The following MTMR2 variants were observed in gnomAD, a reference collection of about 807,000 sequenced individuals.
The protein encoded by MTMR2 is myotubularin related protein 2, also known as phosphatidylinositol-3,5-bisphosphate 3-phosphatase MTMR2.
MTMR2 carries 55 observed loss-of-function variants against 86.9 expected under a neutral mutation model. The observed-to-expected ratio is 0.63, with a 90% confidence interval of 0.51 to 0.79. The LOEUF (loss-of-function observed/expected upper bound fraction) is 0.79, where lower values mean the gene tolerates loss of function less well. Ranked by LOEUF, MTMR2 falls within the 30% of genes least tolerant of loss-of-function variation. MTMR2 has a pLI of 0.00. For synonymous variants in MTMR2, 241 were observed against 266.8 expected, an observed-to-expected ratio of 0.90 and a Z score of 0.94; for missense variants, 659 against 772.3, an observed-to-expected ratio of 0.85 and a Z score of 1.74.
intron 1 of MTMR2, among the ~76,000 whole-genome samples, chr11:95,889,322 G>A (rs1332207014): frequency 6.6e-6 from 1 of 151,714 alleles, no homozygotes; most frequent in Non-Finnish European, 1.5e-5. Context: ...TTGTAGAGAC[G>A]AGGTTTCACC....
intron 10 of MTMR2, among the ~76,000 whole-genome samples, chr11:95,846,162 T>C (rs1177037181): frequency 1.3e-5 from 2 of 152,216 alleles, no homozygotes; most frequent in Non-Finnish European, 2.9e-5. Context: ...GTATCTTAAA[T>C]AAATTCCACC....
At position 95,924,102 on chromosome 11, in the gene MTMR2, G is replaced by GTTAA; in HGVS notation, c.-149_-148insTTAA. ...GACCGGAAGCGGCCATGTTCCCCCA[G>GTTAA]AGTGCACCGCGCCTGTAGGCTGCTG... is the stretch of plus-strand genomic sequence containing the variant. On this transcript the variant is annotated 5_prime_UTR_variant, in exon 1 of 15. Coordinates refer to ENST00000346299, the MANE Select transcript of MTMR2 (RefSeq NM_016156.6). 13 of 994,202 alleles carry GTTAA rather than the reference G, an allele frequency of 1.3e-5. No individual in the cohort carries two copies. Among genetic ancestry groups the GTTAA allele is most frequent in the Non-Finnish European group, 1.7e-5 (11 of 653,464 alleles). The allele number at this position is 994,202 out of a possible 1,614,324, so 61.6% of individuals were successfully genotyped here. A position where few individuals can be genotyped will look rare whatever the true frequency, so the allele number is the denominator to read the frequency against.
In MTMR2 at chr11:95,862,383, TC is replaced by T; in HGVS notation, c.263-18del. 1 of 1,586,834 alleles carries T rather than the reference TC, an allele frequency of 6.3e-7. No individual in the cohort carries two copies. Among genetic ancestry groups the T allele is most frequent in the Non-Finnish European group, 8.7e-7 (1 of 1,155,466 alleles). The stretch of plus-strand genomic sequence containing the variant: ...CATCTTTGGCTGAAAAAGCAAGAAG[TC>T]CACAGTTTACTATACATTATGTGCT... On this transcript the variant is annotated intron_variant, in intron 3 of 14. Coordinates refer to ENST00000346299, the MANE Select transcript of MTMR2 (RefSeq NM_016156.6).
At chr11:95,897,928 G>C (rs537979895) in intron 1 of MTMR2, among the ~76,000 whole-genome samples, 1 of 152,004 alleles carries the variant, frequency 6.6e-6, no homozygotes, top group African/African-American at 2.4e-5. Flanking sequence ...TTGTGACCTC[G>C]GCACACTAGA....
chr11:95,845,609 T>C (rs931556403), intron 10 of MTMR2, among the ~76,000 whole-genome samples: 2 of 152,104 alleles, frequency 1.3e-5, no homozygotes, highest in African/African-American at 2.4e-5. Flanking sequence ...TAAAATACTC[T>C]ATAGCAGTTA....
At chr11:95,898,249 C>G (rs1478855199) in intron 1 of MTMR2, among the ~76,000 whole-genome samples, 1 of 147,596 alleles carries the variant, frequency 6.8e-6, no homozygotes, top group Non-Finnish European at 1.5e-5. Context: ...TTACTAATGG[C>G]CTGGTTGGTT....
chr11:95,849,585 G>C (rs1362779746), intron 9 of MTMR2, 89 bp downstream of exon 9: 144 of 1,171,722 alleles, frequency 1.2e-4, no homozygotes, highest in Non-Finnish European at 8.9e-5. Context: ...TACCACTGTA[G>C]AGCCTGAGCT....
intron 3 of MTMR2, 84 bp downstream of exon 3, chr11:95,865,517 G>GAGA: frequency 1.5e-6 from 2 of 1,293,686 alleles, no homozygotes; most frequent in Non-Finnish European, 2.2e-6. Flanking sequence ...CTGACAGCCA[G>GAGA]TTTATTCTCT....
Position 95,836,310 on chromosome 11 carries a change from C to G in MTMR2, c.1608G>C (p.Arg536Ser), listed in dbSNP as rs1168735143. ...TTATGTAAGACCACAGTGACACAGT[C>G]CTTTTAGGAAGATTCTGTAGGCAGG... is the stretch of plus-strand genomic sequence containing the variant. ...QQRGKENLPK[R>S]TVSLWSYINS... Residue 536 changes from arginine to serine, a missense_variant, in exon 14 of 15, where the codon AGG becomes AGC. Transcript: ENST00000346299. The G allele has an allele frequency of 6.2e-7, 1 of 1,612,450 alleles. No homozygotes were observed.
intron 2 of MTMR2, among the ~76,000 whole-genome samples, chr11:95,876,678 T>C (rs567703253): frequency 6.6e-6 from 1 of 152,332 alleles, no homozygotes; most frequent in East Asian, 1.9e-4. Context: ...ATTTTTTTTA[T>C]TCCTACTACA....
chr11:95,900,845 C>T (rs1054519912), intron 1 of MTMR2, among the ~76,000 whole-genome samples: 13 of 152,320 alleles, frequency 8.5e-5, no homozygotes, highest in Non-Finnish European at 1.3e-4. Context: ...TTGAACTCTA[C>T]CTTCAACTAC....
intron 1 of MTMR2, among the ~76,000 whole-genome samples, chr11:95,909,642 G>T (rs1866422998): frequency 6.7e-6 from 1 of 150,170 alleles, no homozygotes; most frequent in Non-Finnish European, 1.5e-5. Flanking sequence ...CCTTTATTTT[G>T]TTTTTTTTTA....
intron 1 of MTMR2, among the ~76,000 whole-genome samples, chr11:95,916,340 T>G (rs1866704387): frequency 6.6e-6 from 1 of 152,114 alleles, no homozygotes; most frequent in Admixed American, 6.5e-5. Flanking sequence ...GGACCATCCA[T>G]GTTTTAGCCA....
At chr11:95,894,013 C>CA (rs1349031004) in intron 1 of MTMR2, among the ~76,000 whole-genome samples, 1 of 152,178 alleles carries the variant, frequency 6.6e-6, no homozygotes, top group African/African-American at 2.4e-5. Flanking sequence ...GCATAACACT[C>CA]AGTTTTCCAC....
intron 1 of MTMR2, among the ~76,000 whole-genome samples, chr11:95,902,497 A>G (rs1286613841): frequency 6.6e-6 from 1 of 152,138 alleles, no homozygotes; most frequent in Non-Finnish European, 1.5e-5. Context: ...TAAAAACTGT[A>G]AGGGCTAACA....
intron 3 of MTMR2, among the ~76,000 whole-genome samples, chr11:95,862,703 G>T (rs1383599708): frequency 2.6e-5 from 4 of 152,146 alleles, no homozygotes; most frequent in Non-Finnish European, 4.4e-5. Flanking sequence ...GGTAATGGTG[G>T]TATCAACAAT....
intron 1 of MTMR2, among the ~76,000 whole-genome samples, chr11:95,900,010 G>GA (rs1172181774): frequency 6.6e-6 from 1 of 152,044 alleles, no homozygotes; most frequent in Non-Finnish European, 1.5e-5. Context: ...CATCCACTGG[G>GA]AAAAAAATTC....
rs1249635580 is a variant in MTMR2 at position 95,882,970 on chromosome 11, T to C, written c.186+5186A>G. ...ACCGTGTTAGCCAGGATGGTCTCGATCTCCTGACCTCGTGATCCGCCCATC... is the reference window on the plus strand; with the variant it reads ...ACCGTGTTAGCCAGGATGGTCTCGACCTCCTGACCTCGTGATCCGCCCATC... On this transcript the variant is annotated intron_variant, in intron 2 of 14. Transcript: ENST00000346299. Among the ~76,000 whole-genome samples, 14 of 145,452 alleles carry C rather than the reference T, an allele frequency of 9.6e-5. No homozygotes were observed. In the East Asian group the frequency reaches 2.9e-3, roughly 30 times the overall value.
chr11:95,888,096 T>G (rs1865575907), intron 2 of MTMR2, 60 bp downstream of exon 2: 5 of 1,203,262 alleles, frequency 4.2e-6, no homozygotes, highest in African/African-American at 3.0e-5. Context: ...ATATTGATAG[T>G]GTTGGCCACA....
Sources: allele counts gnomAD v4.1 joint callset (sites outside exome capture counted in the v4.1 genomes callset), GRCh38; gene constraint gnomAD v4.1.1; transcripts MANE v1.5; gene names NCBI Gene and HGNC (gene_info 2026-07-23, HGNC 2026-07-21).